Variants in MSRA observed in about 807,000 individuals in gnomAD.
The protein encoded by MSRA is methionine sulfoxide reductase A.
MSRA carries 54 observed loss-of-function variants against 31.3 expected under a neutral mutation model. The observed-to-expected ratio is 1.73, with a 90% CI of 1.39 to 2.17. The LOEUF (loss-of-function observed/expected upper bound fraction) is 2.17, where lower values mean the gene tolerates loss of function less well. Among genes scored for constraint, MSRA ranks in the 30% most tolerant of loss-of-function variants. MSRA has a pLI of 0.00. For synonymous variants in MSRA, 169 were observed against 116.5 expected, an observed-to-expected ratio of 1.45 and a Z score of -2.90; for missense variants, 507 against 300.9, an observed-to-expected ratio of 1.69 and a Z score of -5.07.
intron 3 of MSRA, among the ~76,000 whole-genome samples, chr8:10,298,584 T>C (rs918960251): frequency 3.3e-5 from 5 of 151,850 alleles, no homozygotes; most frequent in Non-Finnish European, 7.4e-5. Flanking sequence ...ATGTACTTAA[T>C]CTGATGGTAA....
chr8:10,132,274 G>A (rs540278742), intron 1 of MSRA, among the ~76,000 whole-genome samples: 19 of 152,184 alleles, frequency 1.2e-4, no homozygotes, highest in African/African-American at 4.1e-4. Flanking sequence ...CATTAGCAAT[G>A]TTAGATTCTT....
intron 5 of MSRA, among the ~76,000 whole-genome samples, chr8:10,324,852 G>A (rs1006749873): frequency 2.6e-5 from 4 of 152,204 alleles, no homozygotes; most frequent in African/African-American, 9.6e-5. Flanking sequence ...AGAAGATGAG[G>A]AAGCATGTTT....
intron 5 of MSRA, among the ~76,000 whole-genome samples, chr8:10,415,573 G>C (rs1252759937): frequency 6.6e-6 from 1 of 152,100 alleles, no homozygotes; most frequent in Non-Finnish European, 1.5e-5. Context: ...GATGCCTCCA[G>C]CAGCCTCTCC....
At chr8:10,182,467 A>G (rs1806629807) in intron 1 of MSRA, among the ~76,000 whole-genome samples, 2 of 152,202 alleles carry the variant, frequency 1.3e-5, no homozygotes, top group Admixed American at 6.5e-5. Context: ...TCAAGATGTT[A>G]GATAAGGTGG....
intron 1 of MSRA, among the ~76,000 whole-genome samples, chr8:10,089,055 A>G (rs1021034118): frequency 6.6e-6 from 1 of 152,208 alleles, no homozygotes; most frequent in Non-Finnish European, 1.5e-5. Context: ...GACAAATGAG[A>G]GATCTAATGT....
Position 10,065,549 on chromosome 8 carries a change from G to C in MSRA, c.142+10891G>C, listed in dbSNP as rs74586674. 7.5e-3 allele frequency among the ~76,000 whole-genome samples: 1,149 copies of C among 152,282 alleles called. 14 individuals carry two copies. Among genetic ancestry groups the C allele is most frequent in the African/African-American group, 0.025 (1,034 of 41,556 alleles). On this transcript the variant is annotated intron_variant, in intron 1 of 5. Transcript: ENST00000317173. ...TTGGGGAGACACACACCTGACTTAA[G>C]CTATGTGAATTTGGATATGAAGTTC... is the stretch of plus-strand genomic sequence containing the variant.
intron 1 of MSRA, among the ~76,000 whole-genome samples, chr8:10,180,110 A>G (rs1043460678): frequency 6.6e-6 from 1 of 152,156 alleles, no homozygotes; most frequent in African/African-American, 2.4e-5. Flanking sequence ...TCAGATGCCA[A>G]TTGCAAGTCC....
chr8:10,274,196 A>C (rs746426058), intron 3 of MSRA, among the ~76,000 whole-genome samples: 1 of 152,208 alleles, frequency 6.6e-6, no homozygotes, highest in Non-Finnish European at 1.5e-5. Flanking sequence ...GTTACATTCA[A>C]ACTTCTAACA....
intron 1 of MSRA, among the ~76,000 whole-genome samples, chr8:10,108,766 C>T (rs189943892): frequency 6.6e-6 from 1 of 152,184 alleles, no homozygotes; most frequent in East Asian, 1.9e-4. Flanking sequence ...TTTAAACAAA[C>T]TAATGACTGG....
rs191136115 is a variant in MSRA, at chr8:10,287,638, G to C, written c.332-13896G>C. Among the ~76,000 whole-genome samples the C allele has an allele frequency of 5.3e-5, 8 of 152,236 alleles. No homozygotes were observed. In the East Asian group the frequency reaches 1.4e-3, roughly 26 times the overall value. The stretch of plus-strand genomic sequence containing the variant: ...GACTTACTATTAGTGTCTTGGTCTG[G>C]TGAATTTTTGCTCAGGGCTTTGTTT... On this transcript the variant is annotated intron_variant, in intron 3 of 5. Transcript: ENST00000317173.
At chr8:10,249,716 C>G (rs1419862148) in intron 3 of MSRA, among the ~76,000 whole-genome samples, 1 of 152,126 alleles carries the variant, frequency 6.6e-6, no homozygotes, top group Non-Finnish European at 1.5e-5. Flanking sequence ...GGGCCATGTT[C>G]TGATGCATTT....
intron 1 of MSRA, among the ~76,000 whole-genome samples, chr8:10,125,802 G>T (rs1296830267): frequency 6.6e-6 from 1 of 152,228 alleles, no homozygotes; most frequent in African/African-American, 2.4e-5. Flanking sequence ...ATTTGTTGAT[G>T]ACCAGAAGTT....
At chr8:10,132,599 C>T (rs993357199) in intron 1 of MSRA, among the ~76,000 whole-genome samples, 1 of 152,160 alleles carries the variant, frequency 6.6e-6, no homozygotes, top group African/African-American at 2.4e-5. Context: ...TGGTCACCTT[C>T]TTGCTGAACA....
intron 1 of MSRA, among the ~76,000 whole-genome samples, chr8:10,123,818 C>T (rs1801298530): frequency 6.6e-6 from 1 of 151,530 alleles, no homozygotes; most frequent in African/African-American, 2.4e-5. Context: ...GGTGTGCAAC[C>T]TTATTTCTGG....
intron 1 of MSRA, among the ~76,000 whole-genome samples, chr8:10,091,191 T>C (rs7012221): frequency 0.53 from 80,444 of 152,088 alleles, 23,254 homozygotes; most frequent in Middle Eastern, 0.67. Flanking sequence ...TAGTATTTTG[T>C]TCAGAATTTT....
At chr8:10,058,304 G>A (rs1802508309) in intron 1 of MSRA, among the ~76,000 whole-genome samples, 1 of 152,114 alleles carries the variant, frequency 6.6e-6, no homozygotes, top group Admixed American at 6.5e-5. Flanking sequence ...GTAGTCTCAA[G>A]AAAAAGATGA....
intron 3 of MSRA, among the ~76,000 whole-genome samples, chr8:10,288,195 GC>G (rs1265411524): frequency 2.6e-5 from 4 of 152,010 alleles, no homozygotes; most frequent in African/African-American, 9.7e-5. Context: ...AATTATAGTC[GC>G]CCTAAGCGGC....
At chr8:10,173,555 G>A (rs1166597852) in intron 1 of MSRA, among the ~76,000 whole-genome samples, 1 of 152,138 alleles carries the variant, frequency 6.6e-6, no homozygotes, top group East Asian at 1.9e-4. Context: ...CATAAATCGA[G>A]GCTACAACTG....
intron 3 of MSRA, among the ~76,000 whole-genome samples, chr8:10,291,435 A>G (rs144114646): frequency 6.6e-6 from 1 of 152,022 alleles, no homozygotes; most frequent in African/African-American, 2.4e-5. Context: ...AAAAGCCAAG[A>G]TAAAATGACA....
Sources: allele counts gnomAD v4.1 joint callset (sites outside exome capture counted in the v4.1 genomes callset), GRCh38; gene constraint gnomAD v4.1.1; transcripts MANE v1.5; gene names NCBI Gene and HGNC (gene_info 2026-07-23, HGNC 2026-07-21).